The following DGKG variants were observed in gnomAD, a reference collection of about 807,000 sequenced individuals.
DGKG encodes DAG kinase gamma.
DGKG carries 78 observed loss-of-function variants against 105.3 expected under a neutral mutation model. That is an observed-to-expected ratio of 0.74 (90% CI 0.62 to 0.89). The LOEUF (loss-of-function observed/expected upper bound fraction) is 0.89. Ranked by LOEUF, DGKG falls within the 40% of genes least tolerant of loss-of-function variation. The probability of loss-of-function intolerance (pLI) is 0.00; values close to 1 mark genes in which losing one functional copy is unlikely to be tolerated. For missense variants in DGKG, 958 were observed against 1,020.1 expected (o/e 0.94, Z 0.83); for synonymous variants, 346 against 367.1 (o/e 0.94, Z 0.66).
intron 22 of DGKG, 131 bp from the exon 23 acceptor site, chr3:186,165,149 A>G (rs1716478766): frequency 9.7e-6 from 9 of 923,302 alleles, no homozygotes; most frequent in Non-Finnish European, 1.1e-5. Context: ...CCTTTTTCAT[A>G]TTCACTCTGA....
Position 186,203,298 on chromosome 3 carries a change from A to G in DGKG, c.1917+8497T>C, listed in dbSNP as rs1022837236. On this transcript the variant is annotated intron_variant, in intron 21 of 24. Transcript: ENST00000265022. This position sits in a 1 kb window ranked among gnomAD's most constrained non-coding sequence, Gnocchi z 4.9. ...CCAAAGAATCACAGAGGTCCTCAGG[A>G]GGCCTGATGATAAAGAAACAAGGGC... is the stretch of plus-strand genomic sequence containing the variant. 6.6e-6 allele frequency among the ~76,000 whole-genome samples: 1 copy of G among 152,220 alleles called. No homozygotes were observed. The highest frequency in any genetic ancestry group is 6.5e-5 in the Admixed American group (1 of 15,278).
At chr3:186,308,437 G>C (rs577888838) in intron 2 of DGKG, among the ~76,000 whole-genome samples, 1 of 152,184 alleles carries the variant, frequency 6.6e-6, no homozygotes, top group African/African-American at 2.4e-5. Context: ...TTAAACATCT[G>C]AGCCAAAGGA....
intron 20 of DGKG, among the ~76,000 whole-genome samples, chr3:186,214,482 T>G (rs1266239005): frequency 6.6e-6 from 1 of 152,316 alleles, no homozygotes; most frequent in East Asian, 1.9e-4. Context: ...AAATGACAGA[T>G]AAGGATGTGT....
chr3:186,195,282 CAAAAAAAAACAAAACA>C (rs1350923111), intron 21 of DGKG, among the ~76,000 whole-genome samples: 1 of 117,302 alleles, frequency 8.5e-6, no homozygotes, highest in Non-Finnish European at 2.0e-5. Context: ...TATAGCAAAA[CAAAAAAAAACAAAACA>C]AAAAAACAAA....
intron 9 of DGKG, among the ~76,000 whole-genome samples, chr3:186,276,978 C>G (rs1286723623): frequency 6.6e-6 from 1 of 152,200 alleles, no homozygotes; most frequent in Non-Finnish European, 1.5e-5. Context: ...CATTCTTTTC[C>G]AAATGCTGGC....
chr3:186,162,938 A>G (rs907754845), intron 23 of DGKG, among the ~76,000 whole-genome samples: 6 of 152,152 alleles, frequency 3.9e-5, no homozygotes, highest in African/African-American at 1.4e-4. Context: ...TCATCTAGGA[A>G]TACTCTCCCC....
intron 3 of DGKG, among the ~76,000 whole-genome samples, chr3:186,305,565 T>G (rs535236738): frequency 5.0e-4 from 76 of 152,206 alleles, no homozygotes; most frequent in Non-Finnish European, 1.0e-3. Context: ...AGTGACAAGC[T>G]CTGACATAAG....
At chr3:186,178,688 G>A (rs1717211244) in intron 22 of DGKG, among the ~76,000 whole-genome samples, 1 of 152,204 alleles carries the variant, frequency 6.6e-6, no homozygotes, top group South Asian at 2.1e-4. Flanking sequence ...GACACAGCTG[G>A]AGTCAGAGTC....
At chr3:186,257,493 G>A (rs1721535679) in intron 17 of DGKG, among the ~76,000 whole-genome samples, 1 of 152,268 alleles carries the variant, frequency 6.6e-6, no homozygotes, top group South Asian at 2.1e-4. Context: ...TATGATCTAT[G>A]CTTAGTTCTC....
chr3:186,269,488 C>T (rs9814470), intron 11 of DGKG, among the ~76,000 whole-genome samples: 11,202 of 152,238 alleles, frequency 0.074, 480 homozygotes, highest in Middle Eastern at 0.13. Context: ...GCAGTCCTGG[C>T]CCTTTGGGAG....
chr3:186,320,416 T>C lies in DGKG; in HGVS notation c.44A>G (p.Asp15Gly), dbSNP rs1560153148. 3 of 1,614,198 alleles carry C rather than the reference T, an allele frequency of 1.9e-6. No individual in the cohort carries two copies. Among genetic ancestry groups the C allele is most frequent in the East Asian group, 4.5e-5 (2 of 44,886 alleles). ...RWVSLTPEEFDQLQKYSEYSS... is the reference protein window; with the variant it reads ...RWVSLTPEEFGQLQKYSEYSS... ...ACATTCTGAATATTTCTGGAGTTGGTCAAATTCTTCTGGAGTGAGGGAGAC... is the reference window on the plus strand; with the variant it reads ...ACATTCTGAATATTTCTGGAGTTGGCCAAATTCTTCTGGAGTGAGGGAGAC... Residue 15 changes from aspartate (D) to glycine (G), a missense_variant, in exon 2 of 25, where the codon GAC (aspartate) becomes GGC (glycine). Physicochemically the swap from Asp to Gly is moderately conservative, Grantham distance 94. Around this residue, in one of 2 missense-constraint regions of DGKG, gnomAD observed 643 missense variants for 619.5 expected, o/e 1.04. Transcript: ENST00000265022.
intron 21 of DGKG, among the ~76,000 whole-genome samples, chr3:186,208,046 T>C (rs778421425): frequency 7.2e-5 from 11 of 152,224 alleles, no homozygotes; most frequent in East Asian, 1.9e-4. Context: ...TTCTTTCTTT[T>C]TTTTCTTTTT....
At chr3:186,277,721 T>G (rs1464327913) in intron 9 of DGKG, among the ~76,000 whole-genome samples, 1 of 152,160 alleles carries the variant, frequency 6.6e-6, no homozygotes, top group Non-Finnish European at 1.5e-5. Context: ...ATCATGTGGC[T>G]CTTTCCTTTC....
chr3:186,330,522 C>T (rs540637557), intron 1 of DGKG, among the ~76,000 whole-genome samples: 1 of 152,252 alleles, frequency 6.6e-6, no homozygotes, highest in East Asian at 1.9e-4. Flanking sequence ...CTTGAGAAGG[C>T]CCACTTCTGA....
intron 11 of DGKG, among the ~76,000 whole-genome samples, chr3:186,269,908 C>T (rs1451977231): frequency 6.6e-6 from 1 of 152,034 alleles, no homozygotes; most frequent in Non-Finnish European, 1.5e-5. Flanking sequence ...GGCTAGTAGC[C>T]CCACTGTCTG....
rs191564641 is a variant in DGKG at position 186,270,393 on chromosome 3, G to A, written c.1000-1476C>T. Among the ~76,000 whole-genome samples, 189 of 152,312 alleles carry A rather than the reference G, an allele frequency of 1.2e-3. 1 individual carries two copies. The highest frequency in any genetic ancestry group is 4.1e-3 in the African/African-American group (172 of 41,576). On this transcript the variant is annotated intron_variant, in intron 11 of 24. Coordinates refer to ENST00000265022, the MANE Select transcript of DGKG (RefSeq NM_001346.3). ...TATTGGCCCTTGTCAGCCTCCTAAAGTTCTGGGATTACAGGTGTGAGTGAC... is the reference window on the plus strand; with the variant it reads ...TATTGGCCCTTGTCAGCCTCCTAAAATTCTGGGATTACAGGTGTGAGTGAC...
At chr3:186,280,803 G>C in intron 7 of DGKG, 59 bp from the exon 8 acceptor site, 2 of 1,475,252 alleles carry the variant, frequency 1.4e-6, no homozygotes, top group South Asian at 1.2e-5. Flanking sequence ...GTGTCATTAA[G>C]AGCCGAACTC....
At chr3:186,208,809 C>A (rs1718875652) in intron 21 of DGKG, among the ~76,000 whole-genome samples, 1 of 152,184 alleles carries the variant, frequency 6.6e-6, no homozygotes, top group Non-Finnish European at 1.5e-5. Context: ...GAAACAGTGC[C>A]TCCTGCTGAA....
At chr3:186,289,408 G>A (rs558419095) in intron 5 of DGKG, among the ~76,000 whole-genome samples, 1 of 152,226 alleles carries the variant, frequency 6.6e-6, no homozygotes, top group Non-Finnish European at 1.5e-5. Flanking sequence ...CTAACTGCAA[G>A]TCTAATTTGG....
Sources: gnomAD v4.1 joint callset for allele counts (sites outside exome capture counted in the v4.1 genomes callset) on GRCh38, gnomAD v4.1.1 for gene constraint, gnomAD v4.1.1 regional missense constraint, Gnocchi (gnomAD v3.1) non-coding constraint, MANE v1.5 for transcripts, NCBI Gene and HGNC (gene_info 2026-07-23, HGNC 2026-07-21) for gene names.